The following PSMD11 variants were observed in gnomAD, a reference collection of about 807,000 sequenced individuals.
The protein encoded by PSMD11 is 26S proteasome non-ATPase regulatory subunit 11.
PSMD11 carries 5 observed loss-of-function variants against 62.3 expected under a neutral mutation model. That is an observed-to-expected ratio of 0.08 (90% CI 0.04 to 0.17). PSMD11 has a LOEUF of 0.17. PSMD11 is among the 10% of genes least tolerant of loss of function. The pLI, the probability that PSMD11 is intolerant of heterozygous loss-of-function variation, is 1.00. For synonymous variants in PSMD11, 191 were observed against 191.8 expected (o/e 1.00, Z 0.03); for missense variants, 310 against 512.9 (o/e 0.60, Z 3.82).
intron 6 of PSMD11, among the ~76,000 whole-genome samples, chr17:32,470,544 C>A (rs1908136023): frequency 6.6e-6 from 1 of 152,174 alleles, no homozygotes; most frequent in Admixed American, 6.5e-5. Context: ...GCCTCTGCCT[C>A]CCAAAGTGCT....
intron 3 of PSMD11, among the ~76,000 whole-genome samples, chr17:32,455,423 C>T (rs1023011844): frequency 4.6e-5 from 7 of 152,198 alleles, no homozygotes; most frequent in African/African-American, 1.7e-4. Context: ...TAACGGGGAA[C>T]GCAGGCAATA....
intron 1 of PSMD11, 149 bp downstream of exon 1, chr17:32,444,763 A>C: frequency 1.2e-6 from 1 of 847,440 alleles, no homozygotes; most frequent in Non-Finnish European, 1.8e-6. Context: ...GGCCGCTCGG[A>C]GCTCCCCAGA....
intron 3 of PSMD11, among the ~76,000 whole-genome samples, chr17:32,460,726 T>C (rs1907806091): frequency 6.7e-6 from 1 of 148,518 alleles, no homozygotes; most frequent in Non-Finnish European, 1.5e-5. Context: ...TGAGCGCCAC[T>C]GCACTCCAGC....
intron 2 of PSMD11, among the ~76,000 whole-genome samples, chr17:32,451,290 T>TA (rs1469843408): frequency 6.6e-6 from 1 of 152,176 alleles, no homozygotes; most frequent in African/African-American, 2.4e-5. Context: ...CTGCCTTTTC[T>TA]AGGAAGGAAA....
chr17:32,444,880 C>T (rs902558690), intron 1 of PSMD11: 3 of 523,260 alleles, frequency 5.7e-6, no homozygotes, highest in Non-Finnish European at 1.0e-5. Flanking sequence ...GTGGGCCGAG[C>T]CGGGCCCCCG....
At position 32,458,000 on chromosome 17, in the gene PSMD11, C is replaced by T. The variant is rs1448319982; in HGVS notation, c.318+3381C>T. ...ATTTTTAGTAGAGACGGAGTTTCACCATGTTGGCCAGGCTGGTCTCGAACT... is the reference window on the plus strand; with the variant it reads ...ATTTTTAGTAGAGACGGAGTTTCACTATGTTGGCCAGGCTGGTCTCGAACT... On this transcript the variant is annotated intron_variant, in intron 3 of 13. Transcript: ENST00000261712. Among the ~76,000 whole-genome samples, 3 of 152,084 alleles carry T rather than the reference C, an allele frequency of 2.0e-5. No individual in the cohort carries two copies. In the East Asian group the frequency reaches 5.8e-4, roughly 29 times the overall value.
chr17:32,464,621 T>TCGGCGACCACCGA, intron 5 of PSMD11, 43 bp downstream of exon 5: 1 of 1,505,720 alleles, frequency 6.6e-7, no homozygotes, highest in South Asian at 1.2e-5. Context: ...GCTAAATGAA[T>TCGGCGACCACCGA]GTATTCTAAA....
At chr17:32,479,175 A>G (rs1908417548) in intron 9 of PSMD11, 76 bp from the exon 10 acceptor site, 2 of 1,553,844 alleles carry the variant, frequency 1.3e-6, no homozygotes, top group Non-Finnish European at 1.7e-6. Context: ...GGGCCAGCAG[A>G]CTATCTAGGA....
chr17:32,478,910 T>C (rs1908409439), intron 9 of PSMD11, among the ~76,000 whole-genome samples: 1 of 152,210 alleles, frequency 6.6e-6, no homozygotes, highest in Non-Finnish European at 1.5e-5. Context: ...GTATTTTTTT[T>C]TTCTCTTAGA....
intron 1 of PSMD11, chr17:32,445,861 A>C (rs528833133): frequency 6.6e-6 from 1 of 152,318 alleles, no homozygotes; most frequent in East Asian, 1.9e-4. Context: ...TTTGAATGAT[A>C]TTGGTAAAAG....
chr17:32,462,248 T>G (rs1907865655), intron 3 of PSMD11, among the ~76,000 whole-genome samples: 2 of 152,136 alleles, frequency 1.3e-5, no homozygotes, highest in Non-Finnish European at 2.9e-5. Context: ...ACTCCCTGGG[T>G]AAAACTGTGG....
At position 32,480,212 on chromosome 17, in the gene PSMD11, C is replaced by T. The variant is rs772656836; in HGVS notation, c.1126+15C>T. 3 of 1,608,470 alleles carry T rather than the reference C, an allele frequency of 1.9e-6. No individual in the cohort carries two copies. Among genetic ancestry groups the T allele is most frequent in the Admixed American group, 3.3e-5 (2 of 60,018 alleles). On this transcript the variant is annotated intron_variant, in intron 12 of 13. Coordinates refer to ENST00000261712, the MANE Select transcript of PSMD11 (RefSeq NM_002815.4). ...GAAATTTCATGGTAAGTAACAGTCA[C>T]ACAGGCAAGGGGGCTGGTGGTGGTG...
chr17:32,463,017 A>T (rs1907887784), intron 3 of PSMD11, among the ~76,000 whole-genome samples: 1 of 152,260 alleles, frequency 6.6e-6, no homozygotes. Flanking sequence ...TTGGATTTAT[A>T]TAAAAACCTG....
chr17:32,479,914 G>A (rs1196764528), intron 11 of PSMD11, 28 bp downstream of exon 11: 1 of 1,608,180 alleles, frequency 6.2e-7, no homozygotes, highest in Non-Finnish European at 8.5e-7. Flanking sequence ...CATCTGCAGG[G>A]AGGAATGGGA....
At chr17:32,463,917 A>T in intron 3 of PSMD11, 132 bp from the exon 4 acceptor site, 1 of 793,240 alleles carries the variant, frequency 1.3e-6, no homozygotes, top group South Asian at 1.5e-5. Context: ...ACATTGAGAT[A>T]CTGTGGATCA....
At position 32,454,550 on chromosome 17, in the gene PSMD11, T is replaced by C; in HGVS notation, c.249T>C (p.Ala83=). 6.2e-7 allele frequency: 1 copy of C among 1,614,094 alleles called. No homozygotes were observed. Among genetic ancestry groups the C allele is most frequent in the South Asian group, 1.1e-5 (1 of 91,072 alleles). Reference sequence around the variant, plus strand: ...CCTTCTTGAATTCCATCAGCAAGGCTAAAGCAGCTCGCCTGGTCCGATCTC... The same window carrying C: ...CCTTCTTGAATTCCATCAGCAAGGCCAAAGCAGCTCGCCTGGTCCGATCTC... ...VRPFLNSISK[A]KAARLVRSLL... Residue 83 remains alanine (A), a synonymous_variant, in exon 3 of 14, where the codon GCT becomes GCC. Transcript: ENST00000261712.
chr17:32,450,091 G>T (rs1907444327), intron 2 of PSMD11, among the ~76,000 whole-genome samples: 1 of 152,036 alleles, frequency 6.6e-6, no homozygotes, highest in African/African-American at 2.4e-5. Flanking sequence ...CTCCCAAGTG[G>T]CTGGAACTAC....
chr17:32,457,377 AC>A (rs1430650404), intron 3 of PSMD11, among the ~76,000 whole-genome samples: 1 of 151,984 alleles, frequency 6.6e-6, no homozygotes. Flanking sequence ...AGCTGGAACT[AC>A]AGGCATGCAC....
chr17:32,460,322 A>G (rs144748105), intron 3 of PSMD11, among the ~76,000 whole-genome samples: 1 of 152,228 alleles, frequency 6.6e-6, no homozygotes, highest in African/African-American at 2.4e-5. Context: ...CAGCCTCCCA[A>G]AGTGCCTGGA....
Sources: allele counts gnomAD v4.1 joint callset (sites outside exome capture counted in the v4.1 genomes callset), GRCh38; gene constraint gnomAD v4.1.1; transcripts MANE v1.5; gene names NCBI Gene and HGNC (gene_info 2026-07-23, HGNC 2026-07-21).